HYDIN: variants seen among roughly 807,000 people sequenced by gnomAD.
HYDIN encodes the protein HYDIN axonemal central pair apparatus protein.
A neutral mutation model predicts 403.9 loss-of-function variants in HYDIN; 132 were observed. The observed-to-expected ratio is 0.33, with a 90% CI of 0.28 to 0.38. The LOEUF (loss-of-function observed/expected upper bound fraction) is 0.38. Ranked by LOEUF, HYDIN falls within the 10% of genes least tolerant of loss-of-function variation. The pLI is 1.00. For synonymous variants in HYDIN, 1,202 were observed against 1,891.7 expected (o/e 0.64, Z 9.46); for missense variants, 2,827 against 5,009.5 (o/e 0.56, Z 13.15).
chr16:71,201,959 C>T (rs1363317875), intron 1 of HYDIN, among the ~76,000 whole-genome samples: 2 of 152,222 alleles, frequency 1.3e-5, no homozygotes, highest in Non-Finnish European at 2.9e-5. Flanking sequence ...CTGTAACTTG[C>T]AAAAGCAGTT....
intron 23 of HYDIN, among the ~76,000 whole-genome samples, chr16:71,002,683 T>A (rs1163165508): frequency 6.7e-6 from 1 of 148,406 alleles, no homozygotes; most frequent in African/African-American, 2.6e-5. Flanking sequence ...GAATTAATTT[T>A]TTTTTTTTTT....
chr16:71,200,190 C>A (rs1259609620), intron 1 of HYDIN, among the ~76,000 whole-genome samples: 1 of 152,226 alleles, frequency 6.6e-6, no homozygotes, highest in Non-Finnish European at 1.5e-5. Flanking sequence ...CCTTGTTTAG[C>A]AAATCATCAA....
chr16:71,087,060 A>G (rs1481389742), intron 12 of HYDIN, among the ~76,000 whole-genome samples: 2 of 151,736 alleles, frequency 1.3e-5, no homozygotes, highest in Non-Finnish European at 2.9e-5. Flanking sequence ...ACAAACACAC[A>G]TGTATTATGG....
intron 1 of HYDIN, among the ~76,000 whole-genome samples, chr16:71,199,046 T>C (rs1056571542): frequency 2.0e-5 from 3 of 152,194 alleles, no homozygotes; most frequent in Admixed American, 6.5e-5. Context: ...TGATAGCTCA[T>C]TGTGGTTTTA....
intron 15 of HYDIN, chr16:71,067,083 A>G: frequency 1.6e-6 from 1 of 608,730 alleles, no homozygotes; most frequent in African/African-American, 1.8e-5. Context: ...AACTCTACAA[A>G]ACACACACAC....
At chr16:71,029,511 T>C (rs1414944715) in intron 19 of HYDIN, among the ~76,000 whole-genome samples, 3 of 89,130 alleles carry the variant, frequency 3.4e-5, no homozygotes, top group Non-Finnish European at 6.7e-5. Context: ...TAAAAGAACA[T>C]GTAATTAGGT....
chr16:71,133,401 T>C (rs935987086), intron 8 of HYDIN: 3 of 376,720 alleles, frequency 8.0e-6, no homozygotes, highest in East Asian at 7.1e-5. Context: ...ATCTTCGGAT[T>C]TTTGTATAAA....
At chr16:70,944,424 G>A (rs1377607288) in intron 41 of HYDIN, among the ~76,000 whole-genome samples, 1 of 152,212 alleles carries the variant, frequency 6.6e-6, no homozygotes, top group Non-Finnish European at 1.5e-5. Flanking sequence ...ACAGGGCTGG[G>A]GAAAGACTAT....
intron 84 of HYDIN, among the ~76,000 whole-genome samples, chr16:70,813,750 T>C (rs2035655613): frequency 1.3e-5 from 2 of 150,926 alleles, no homozygotes; most frequent in Admixed American, 6.6e-5. Flanking sequence ...GATTTCAAAA[T>C]TGATATGTAA....
At chr16:71,198,528 G>C (rs1052662116) in intron 1 of HYDIN, among the ~76,000 whole-genome samples, 12 of 152,132 alleles carry the variant, frequency 7.9e-5, no homozygotes, top group Admixed American at 2.0e-4. Flanking sequence ...AAAGGGAATG[G>C]CTGGAACTGT....
intron 19 of HYDIN, among the ~76,000 whole-genome samples, chr16:71,028,484 G>A (rs531242689): frequency 2.6e-5 from 4 of 151,410 alleles, no homozygotes; most frequent in South Asian, 2.1e-4. Context: ...AGAACGTTCC[G>A]ACTGCCTGGC....
At chr16:71,207,373 A>T (rs1173276698) in intron 1 of HYDIN, among the ~76,000 whole-genome samples, 3 of 152,212 alleles carry the variant, frequency 2.0e-5, no homozygotes. Context: ...AGACAAGCAA[A>T]TGCTGACAGA....
At chr16:70,875,889 G>A (rs1402017828) in intron 62 of HYDIN, among the ~76,000 whole-genome samples, 2 of 152,110 alleles carry the variant, frequency 1.3e-5, no homozygotes, top group Non-Finnish European at 2.9e-5. Flanking sequence ...TGGGTGGATA[G>A]GAATTCACTG....
intron 74 of HYDIN, 113 bp from the exon 75 acceptor site, chr16:70,850,060 T>A (rs544761065): frequency 1.6e-6 from 1 of 609,504 alleles, no homozygotes; most frequent in Non-Finnish European, 2.9e-6. Context: ...TGGCAGATGA[T>A]GTTGGTGATT....
intron 19 of HYDIN, 187 bp downstream of exon 19, chr16:71,031,492 T>C: frequency 7.4e-7 from 1 of 1,345,306 alleles, no homozygotes; most frequent in Non-Finnish European, 9.6e-7. Flanking sequence ...TGCAACCAAG[T>C]TATGGCTAGA....
chr16:71,073,517 G>A (rs1412652173), intron 13 of HYDIN, among the ~76,000 whole-genome samples: 3 of 152,140 alleles, frequency 2.0e-5, no homozygotes, highest in Admixed American at 6.6e-5. Flanking sequence ...AAGAGACACC[G>A]GTAATGCATC....
At chr16:71,187,175 T>C (rs914734609) in intron 1 of HYDIN, among the ~76,000 whole-genome samples, 7 of 152,274 alleles carry the variant, frequency 4.6e-5, no homozygotes, top group Middle Eastern at 3.4e-3. Flanking sequence ...AAGTACAAGT[T>C]ACTTCTACAT....
At chr16:71,113,922 C>T (rs1434746232) in intron 10 of HYDIN, 2 of 151,736 alleles carry the variant, frequency 1.3e-5, no homozygotes, top group African/African-American at 2.4e-5. Context: ...TTAAAGATTA[C>T]AGGCTGGTCA....
At chr16:71,010,815 T>C (rs1249634090) in intron 23 of HYDIN, among the ~76,000 whole-genome samples, 1 of 152,008 alleles carries the variant, frequency 6.6e-6, no homozygotes, top group Non-Finnish European at 1.5e-5. Context: ...TTTATTTTCT[T>C]ATTGGGCCCT....
Sources: gnomAD v4.1 joint callset for allele counts (sites outside exome capture counted in the v4.1 genomes callset) on GRCh38, gnomAD v4.1.1 for gene constraint, MANE v1.5 for transcripts, NCBI Gene and HGNC (gene_info 2026-07-23, HGNC 2026-07-21) for gene names.